Variants in PLPPR5 observed in about 807,000 individuals in gnomAD.
PLPPR5 encodes the protein phospholipid phosphatase related 5.
A neutral mutation model predicts 33.9 loss-of-function variants in PLPPR5; 16 were observed. That is an observed-to-expected ratio of 0.47 (90% CI 0.32 to 0.72). PLPPR5 has a LOEUF of 0.72. Ranked by LOEUF, PLPPR5 falls within the 30% of genes least tolerant of loss-of-function variation. PLPPR5 has a pLI of 0.03. For missense variants in PLPPR5, 301 were observed against 406.7 expected, an observed-to-expected ratio of 0.74 and a Z score of 2.23; for synonymous variants, 163 against 150.3, an observed-to-expected ratio of 1.08 and a Z score of -0.62.
At chr1:98,919,240 A>T (rs1406859835) in intron 4 of PLPPR5, among the ~76,000 whole-genome samples, 3 of 152,192 alleles carry the variant, frequency 2.0e-5, no homozygotes, top group Non-Finnish European at 4.4e-5. Context: ...ACATGGAAGA[A>T]ATATTTTTAT....
At chr1:98,900,103 C>T (rs1400647855) in intron 5 of PLPPR5, among the ~76,000 whole-genome samples, 3 of 152,084 alleles carry the variant, frequency 2.0e-5, no homozygotes, top group Non-Finnish European at 4.4e-5. Flanking sequence ...GTTTCTTTGG[C>T]CATGAGGAAA....
At chr1:99,003,136 C>G (rs1652933654) in intron 1 of PLPPR5, among the ~76,000 whole-genome samples, 1 of 137,468 alleles carries the variant, frequency 7.3e-6, no homozygotes, top group Non-Finnish European at 1.5e-5. Flanking sequence ...ACATTTCAAA[C>G]CATTATGACA....
intron 1 of PLPPR5, among the ~76,000 whole-genome samples, chr1:99,001,673 T>TAG (rs1362937734): frequency 1.6e-3 from 61 of 38,732 alleles, no homozygotes; most frequent in Admixed American, 4.8e-3. Context: ...AAGTTAAAGA[T>TAG]ATATATATAT....
chr1:98,978,259 TA>T (rs1350339414), intron 1 of PLPPR5, among the ~76,000 whole-genome samples: 1 of 152,042 alleles, frequency 6.6e-6, no homozygotes, highest in Non-Finnish European at 1.5e-5. Context: ...GGAGGGGTGC[TA>T]CATTTTCAAT....
chr1:98,892,374 T>G lies in PLPPR5; in HGVS notation c.*698A>C, dbSNP rs945673561. Reference sequence around the variant, plus strand: ...CAATTGTCAGGAGAAGAAGTCCAAATAAATAATTTTTAATTATGATACATT... The same window carrying G: ...CAATTGTCAGGAGAAGAAGTCCAAAGAAATAATTTTTAATTATGATACATT... On this transcript the variant is annotated 3_prime_UTR_variant, in exon 6 of 6. Coordinates refer to ENST00000263177, the MANE Select transcript of PLPPR5 (RefSeq NM_001037317.2). 6.6e-5 allele frequency: 10 copies of G among 152,522 alleles called. No individual in the cohort carries two copies. The highest frequency in any genetic ancestry group is 2.4e-4 in the African/African-American group (10 of 41,510). 9.4% of individuals were successfully genotyped at this position (152,522 alleles called of 1,614,324 possible).
rs552671589 is a variant in PLPPR5 at position 98,925,548 on chromosome 1, C to T, written c.622-3490G>A. Reference sequence around the variant, plus strand: ...TAAAAAGGTTTTGCTTACTTGTTTGCTTTTACTAAAATATAATCATAATGT... The same window carrying T: ...TAAAAAGGTTTTGCTTACTTGTTTGTTTTTACTAAAATATAATCATAATGT... On this transcript the variant is annotated intron_variant, in intron 3 of 5. Coordinates refer to ENST00000263177, the MANE Select transcript of PLPPR5 (RefSeq NM_001037317.2). Among the ~76,000 whole-genome samples, 235 of 152,084 alleles carry T rather than the reference C, an allele frequency of 1.5e-3. 1 individual carries two copies. The highest frequency in any genetic ancestry group is 3.1e-3 in the Non-Finnish European group (211 of 67,998).
chr1:98,942,370 G>A (rs1204643179), intron 3 of PLPPR5, among the ~76,000 whole-genome samples: 1 of 152,158 alleles, frequency 6.6e-6, no homozygotes, highest in African/African-American at 2.4e-5. Flanking sequence ...TTTCCTATAT[G>A]TTAAGGCACT....
At chr1:98,928,824 T>C (rs1649861346) in intron 3 of PLPPR5, among the ~76,000 whole-genome samples, 1 of 151,854 alleles carries the variant, frequency 6.6e-6, no homozygotes, top group African/African-American at 2.4e-5. Flanking sequence ...TTTAAATATT[T>C]GTTAATATAT....
chr1:98,931,588 GGGC>G (rs1649967771), intron 3 of PLPPR5, among the ~76,000 whole-genome samples: 1 of 152,124 alleles, frequency 6.6e-6, no homozygotes, highest in Non-Finnish European at 1.5e-5. Flanking sequence ...GAGGAAGGCG[GGGC>G]TGGAGTAGTC....
rs185279462 is a variant in PLPPR5 at position 98,915,400 on chromosome 1, C to A, written c.799-480G>T. 1.9e-4 allele frequency among the ~76,000 whole-genome samples: 29 copies of A among 152,178 alleles called. No homozygotes were observed. The East Asian group carries it at 3.1e-3, about 16-fold the overall frequency. ...TAACTTAGCAGCATCCCTTAATTAA[C>A]CTAGCTTATCGTCTATTATTGTGTC... On this transcript the variant is annotated intron_variant, in intron 4 of 5. Transcript: ENST00000263177.
At chr1:98,992,181 C>G (rs1018211085) in intron 1 of PLPPR5, among the ~76,000 whole-genome samples, 1 of 152,114 alleles carries the variant, frequency 6.6e-6, no homozygotes, top group Non-Finnish European at 1.5e-5. Flanking sequence ...ATTAAGAACA[C>G]AGAAAACAAC....
intron 3 of PLPPR5, among the ~76,000 whole-genome samples, chr1:98,922,446 A>G (rs1649599173): frequency 6.6e-6 from 1 of 152,152 alleles, no homozygotes. Flanking sequence ...AAGCTGTTGA[A>G]GTGTTTAAGT....
chr1:98,911,623 G>A (rs568899136), intron 5 of PLPPR5, among the ~76,000 whole-genome samples: 2 of 152,260 alleles, frequency 1.3e-5, no homozygotes, highest in African/African-American at 2.4e-5. Flanking sequence ...GCAAATAAAT[G>A]TTAAAAAGTA....
rs1198973677 is a variant in PLPPR5 at position 98,890,311 on chromosome 1, C to T, written c.*2761G>A. ...ACAATACACAGCAGAGAATTATTTC[C>T]TCCCCTACTGTTCTTTCACAAAGGA... is the stretch of plus-strand genomic sequence containing the variant. On this transcript the variant is annotated 3_prime_UTR_variant, in exon 6 of 6. Coordinates refer to ENST00000263177, the MANE Select transcript of PLPPR5 (RefSeq NM_001037317.2). 6.6e-6 allele frequency: 1 copy of T among 152,446 alleles called. No homozygotes were observed. Among genetic ancestry groups the T allele is most frequent in the East Asian group, 1.9e-4 (1 of 5,154 alleles). The allele number at this position is 152,446 out of a possible 1,614,324, so 9.4% of individuals were successfully genotyped here.
intron 3 of PLPPR5, among the ~76,000 whole-genome samples, chr1:98,946,461 C>T (rs546503786): frequency 6.6e-6 from 1 of 152,276 alleles, no homozygotes; most frequent in African/African-American, 2.4e-5. Flanking sequence ...TCCCACAGTT[C>T]CAAATGTACA....
At chr1:98,922,133 A>G in intron 3 of PLPPR5, 75 bp from the exon 4 acceptor site, 1 of 1,344,194 alleles carries the variant, frequency 7.4e-7, no homozygotes, top group South Asian at 1.3e-5. Flanking sequence ...ATGTGTATGT[A>G]CAAACATATA....
intron 3 of PLPPR5, 118 bp from the exon 4 acceptor site, chr1:98,922,176 A>ATCATTAAC (rs1410300007): frequency 1.1e-6 from 1 of 891,484 alleles, no homozygotes; most frequent in African/African-American, 1.7e-5. Flanking sequence ...TATGATTCAA[A>ATCATTAAC]TCATTAACTG....
intron 3 of PLPPR5, among the ~76,000 whole-genome samples, chr1:98,940,283 A>C (rs972195867): frequency 6.6e-6 from 1 of 151,782 alleles, no homozygotes; most frequent in African/African-American, 2.4e-5. Context: ...CTGTGTCCTC[A>C]CATGGTGGAG....
intron 1 of PLPPR5, among the ~76,000 whole-genome samples, chr1:98,990,364 T>C (rs774393503): frequency 4.0e-5 from 6 of 151,864 alleles, no homozygotes; most frequent in Non-Finnish European, 7.4e-5. Context: ...GTAAGGAGGC[T>C]CATCCCAAAA....
Sources: gnomAD v4.1 joint callset for allele counts (sites outside exome capture counted in the v4.1 genomes callset) on GRCh38, gnomAD v4.1.1 for gene constraint, MANE v1.5 for transcripts, NCBI Gene and HGNC (gene_info 2026-07-23, HGNC 2026-07-21) for gene names.